Variants in SORL1 observed in about 807,000 individuals in gnomAD.
SORL1 encodes the protein sortilin-related receptor.
In SORL1, 127 loss-of-function variants were observed where a neutral mutation model predicts 273.7. That is an observed-to-expected ratio of 0.46 (90% CI 0.40 to 0.54). The LOEUF (loss-of-function observed/expected upper bound fraction) is 0.54, where lower values mean the gene tolerates loss of function less well. SORL1 is among the 20% of genes least tolerant of loss of function. The pLI, the probability that SORL1 is intolerant of heterozygous loss-of-function variation, is 0.00. For synonymous variants in SORL1, 1,031 were observed against 1,067.4 expected, an observed-to-expected ratio of 0.97 and a Z score of 0.66; for missense variants, 2,494 against 2,846.1, an observed-to-expected ratio of 0.88 and a Z score of 2.81.
At chr11:121,557,528 A>G (rs1862609753) in intron 19 of SORL1, 123 bp downstream of exon 19, 2 of 761,230 alleles carry the variant, frequency 2.6e-6, no homozygotes, top group East Asian at 5.2e-5. Context: ...ATGGTCTATT[A>G]ACTGAGAAGT....
chr11:121,600,048 G>C (rs1223437721), intron 32 of SORL1, among the ~76,000 whole-genome samples: 1 of 152,130 alleles, frequency 6.6e-6, no homozygotes, highest in Non-Finnish European at 1.5e-5. Flanking sequence ...AGGCATGCCT[G>C]TCATACTTGC....
At chr11:121,489,941 A>G (rs1302271603) in intron 4 of SORL1, 102 bp from the exon 5 acceptor site, 2 of 851,918 alleles carry the variant, frequency 2.3e-6, no homozygotes, top group East Asian at 2.5e-5. Flanking sequence ...GCCTTCACAG[A>G]CAGCGTGTCA....
Position 121,513,033 on chromosome 11 carries a change from G to C in SORL1, c.970G>C (p.Val324Leu), listed in dbSNP as rs541387363. The C allele has an allele frequency of 2.7e-5, 44 of 1,614,064 alleles. No homozygotes were observed. The highest frequency in any genetic ancestry group is 3.7e-5 in the Non-Finnish European group (44 of 1,179,996). Residue 324 changes from valine (V) to leucine (L), a missense_variant, in exon 7 of 48, where the codon GTC becomes CTC. Val to Leu is a conservative substitution (Grantham distance 32). Transcript: ENST00000260197. ...CTTGGGCAGTGAACAGCAGTCTTCTGTCCAGCTCTGGGTCTCCTTTGGCCG... is the reference window on the plus strand; with the variant it reads ...CTTGGGCAGTGAACAGCAGTCTTCTCTCCAGCTCTGGGTCTCCTTTGGCCG... ...HLLGSEQQSSVQLWVSFGRKP... is the reference protein window; with the variant it reads ...HLLGSEQQSSLQLWVSFGRKP...
intron 12 of SORL1, among the ~76,000 whole-genome samples, chr11:121,537,227 T>G (rs544444865): frequency 1.3e-5 from 2 of 152,312 alleles, no homozygotes; most frequent in Admixed American, 1.3e-4. Flanking sequence ...CACCTGTGCC[T>G]TACTAAAGAG....
At chr11:121,628,424 A>G (rs1392730973) in intron 47 of SORL1, among the ~76,000 whole-genome samples, 1 of 152,170 alleles carries the variant, frequency 6.6e-6, no homozygotes, top group Admixed American at 6.5e-5. Flanking sequence ...CGCTCAGTTC[A>G]CGATAGGGTT....
intron 14 of SORL1, among the ~76,000 whole-genome samples, chr11:121,547,430 A>C (rs2134892512): frequency 6.8e-6 from 1 of 146,890 alleles, no homozygotes; most frequent in South Asian, 2.1e-4. Flanking sequence ...AAAAAAAAAA[A>C]AAAAAAAAAA....
chr11:121,472,818 G>GT (rs1861191723), intron 2 of SORL1, among the ~76,000 whole-genome samples: 1 of 152,144 alleles, frequency 6.6e-6, no homozygotes, highest in East Asian at 1.9e-4. Flanking sequence ...AAATTAGCTG[G>GT]GTGTGGTGGT....
intron 6 of SORL1, among the ~76,000 whole-genome samples, chr11:121,504,275 G>T (rs948245235): frequency 2.6e-5 from 4 of 152,152 alleles, no homozygotes; most frequent in African/African-American, 9.7e-5. Flanking sequence ...AGCTGGGCGT[G>T]GTGGAGCGCA....
In SORL1 at chr11:121,495,614, G is replaced by A. The variant is rs116900640; in HGVS notation, c.759-1255G>A. 4.0e-3 allele frequency among the ~76,000 whole-genome samples: 616 copies of A among 152,140 alleles called. 2 individuals are homozygous for A. The highest frequency in any genetic ancestry group is 6.6e-3 in the Non-Finnish European group (446 of 68,002). On this transcript the variant is annotated intron_variant, in intron 5 of 47. Coordinates refer to ENST00000260197, the MANE Select transcript of SORL1 (RefSeq NM_003105.6). ...ATTCTCACTACAAGACTATCTTCCC[G>A]ACTTTACCATTTATTTTTTCCATTT...
intron 26 of SORL1, among the ~76,000 whole-genome samples, chr11:121,584,519 C>T (rs952332726): frequency 6.6e-6 from 1 of 151,726 alleles, no homozygotes; most frequent in African/African-American, 2.4e-5. Context: ...CATACTTATA[C>T]CTAATCCTCA....
At chr11:121,570,427 C>A (rs1259869475) in intron 23 of SORL1, among the ~76,000 whole-genome samples, 157 bp downstream of exon 23, 1 of 152,112 alleles carries the variant, frequency 6.6e-6, no homozygotes, top group Non-Finnish European at 1.5e-5. Flanking sequence ...AAACATATTT[C>A]CATACACAGG....
intron 6 of SORL1, among the ~76,000 whole-genome samples, chr11:121,498,515 A>T (rs1173659156): frequency 6.6e-6 from 1 of 152,154 alleles, no homozygotes; most frequent in African/African-American, 2.4e-5. Flanking sequence ...CCAGGGCAGG[A>T]TGGATAGCTG....
chr11:121,569,384 C>G (rs562504404), intron 22 of SORL1, among the ~76,000 whole-genome samples: 1 of 152,140 alleles, frequency 6.6e-6, no homozygotes, highest in African/African-American at 2.4e-5. Context: ...GTGAGCCGGG[C>G]GGAACAGAGC....
At chr11:121,579,325 GT>G (rs1555079955) in intron 25 of SORL1, among the ~76,000 whole-genome samples, 1 of 152,180 alleles carries the variant, frequency 6.6e-6, no homozygotes, top group Non-Finnish European at 1.5e-5. Flanking sequence ...ATGGTGATGT[GT>G]GGCATGACAC....
intron 3 of SORL1, among the ~76,000 whole-genome samples, chr11:121,481,388 C>A (rs1328237656): frequency 2.3e-5 from 3 of 128,582 alleles, no homozygotes; most frequent in African/African-American, 6.6e-5. Context: ...TGCACAGATA[C>A]CTATAGGCAG....
chr11:121,620,992 C>A, intron 43 of SORL1, 72 bp from the exon 44 acceptor site: 1 of 1,110,564 alleles, frequency 9.0e-7, no homozygotes, highest in Non-Finnish European at 1.3e-6. Flanking sequence ...CTACATTGTC[C>A]ACCATTGAAC....
intron 13 of SORL1, among the ~76,000 whole-genome samples, chr11:121,544,265 C>T (rs1247453037): frequency 2.0e-5 from 3 of 152,108 alleles, no homozygotes; most frequent in African/African-American, 4.8e-5. Flanking sequence ...TCTAGCTGCC[C>T]GGAGTGCCCT....
intron 5 of SORL1, among the ~76,000 whole-genome samples, chr11:121,493,760 G>A (rs905801166): frequency 6.6e-6 from 1 of 152,170 alleles, no homozygotes; most frequent in African/African-American, 2.4e-5. Flanking sequence ...CCCAGAAGAT[G>A]TAGATACTGC....
At position 121,631,338 on chromosome 11, in the gene SORL1, AT is replaced by A. The variant is rs1863873011; in HGVS notation, c.*1779del. The A allele has an allele frequency of 1.4e-5, 2 of 146,736 alleles. No individual in the cohort carries two copies. The highest frequency in any genetic ancestry group is 4.5e-4 in the South Asian group (2 of 4,436). The allele number at this position is 146,736 out of a possible 1,614,324, so 9.1% of individuals were successfully genotyped here. On this transcript the variant is annotated 3_prime_UTR_variant, in exon 48 of 48. Transcript: ENST00000260197. ...GTAATGATAAGCCTTCTTCTAGCGT[AT>A]TTTCTCTTCTTTCCTGTCACTTTCC...
Sources: gnomAD v4.1 joint callset for allele counts (sites outside exome capture counted in the v4.1 genomes callset) on GRCh38, gnomAD v4.1.1 for gene constraint, MANE v1.5 for transcripts, NCBI Gene and HGNC (gene_info 2026-07-23, HGNC 2026-07-21) for gene names.